Variants in KCNQ1OT1 observed in about 807,000 individuals in gnomAD.
KCNQ1OT1 encodes the protein KCNQ1 opposite strand/antisense transcript 1.
chr11:2,641,469 C>A, exon 1 of KCNQ1OT1: 1 of 398,132 alleles, frequency 2.5e-6, no homozygotes, highest in Non-Finnish European at 4.4e-6. Context: ...CTTTTGCTCA[C>A]TTTTTATTGG....
In KCNQ1OT1 at chr11:2,611,735, T is replaced by C; in HGVS notation, n.88260A>G. ...ATAATTATTGATATGGAAGGATTTA[T>C]ATCTACCATGTTGTTATTTATTTTC... On this transcript the variant is annotated non_coding_transcript_exon_variant, in exon 1 of 1. Coordinates refer to ENST00000597346, the Ensembl canonical transcript of KCNQ1OT1. This position sits in a 1 kb window ranked among gnomAD's most constrained non-coding sequence, Gnocchi z 5.3. The C allele has an allele frequency of 2.5e-6, 1 of 398,582 alleles. No homozygotes were observed. The highest frequency in any genetic ancestry group is 2.1e-5 in the African/African-American group (1 of 48,764). 24.7% of individuals were successfully genotyped at this position (398,582 alleles called of 1,614,324 possible).
Position 2,624,409 on chromosome 11 carries a change from T to G in KCNQ1OT1, n.75586A>C, listed in dbSNP as rs943841747. The G allele has an allele frequency of 5.0e-6, 2 of 398,482 alleles. No homozygotes were observed. Among genetic ancestry groups the G allele is most frequent in the Admixed American group, 8.8e-5 (2 of 22,734 alleles). 24.7% of individuals were successfully genotyped at this position (398,482 alleles called of 1,614,324 possible). On this transcript the variant is annotated non_coding_transcript_exon_variant, in exon 1 of 1. Transcript: ENST00000597346. The surrounding 1 kb of genome is among the most constrained non-coding windows in gnomAD (Gnocchi z 4.9). ...ACAGTATGTTTTACAGAGCAGAAAC[T>G]TTTATTTTTAACAAAGTCTAGCTTA... is the stretch of plus-strand genomic sequence containing the variant.
rs964138241 is a variant in KCNQ1OT1 at position 2,652,016 on chromosome 11, G to A, written n.47979C>T. The A allele has an allele frequency of 2.5e-6, 1 of 398,532 alleles. No individual in the cohort carries two copies. The highest frequency in any genetic ancestry group is 3.6e-5 in the East Asian group (1 of 28,086). The allele number at this position is 398,532 out of a possible 1,614,324, so 24.7% of individuals were successfully genotyped here. On this transcript the variant is annotated non_coding_transcript_exon_variant, in exon 1 of 1. Transcript: ENST00000597346. This position sits in a 1 kb window ranked among gnomAD's most constrained non-coding sequence, Gnocchi z 5.9. ...CAGTTGTTAACATAATTTTGATGTT[G>A]AGCCTCCCCCCAGTTCTGGGGTGGC...
Position 2,677,370 on chromosome 11 carries a change from T to C in KCNQ1OT1, n.22625A>G, listed in dbSNP as rs546539153. On this transcript the variant is annotated non_coding_transcript_exon_variant, in exon 1 of 1. Coordinates refer to ENST00000597346, the Ensembl canonical transcript of KCNQ1OT1. This position sits in a 1 kb window ranked among gnomAD's most constrained non-coding sequence, Gnocchi z 4.5. ...TGGGCAGAGTAGACCAGTTAGTTAA[T>C]CAGTTGAAGAGGAAACCAAGATCGA... 5 of 398,618 alleles carry C rather than the reference T, an allele frequency of 1.3e-5. No homozygotes were observed. Among genetic ancestry groups the C allele is most frequent in the African/African-American group, 1.0e-4 (5 of 48,762 alleles). 24.7% of individuals were successfully genotyped at this position (398,618 alleles called of 1,614,324 possible). A position where few individuals can be genotyped will look rare whatever the true frequency, so the allele number is the denominator to read the frequency against.
chr11:2,652,614 G>C lies in KCNQ1OT1; in HGVS notation n.47381C>G, dbSNP rs1057317249. On this transcript the variant is annotated non_coding_transcript_exon_variant, in exon 1 of 1. Coordinates refer to ENST00000597346, the Ensembl canonical transcript of KCNQ1OT1. The surrounding 1 kb of genome is among the most constrained non-coding windows in gnomAD (Gnocchi z 5.9). ...CTGCCTGGAACCTTCCCCTGAAAAT[G>C]TGTCTTGGGAGACCTAGACAGTGAC... The C allele has an allele frequency of 5.0e-6, 2 of 398,576 alleles. No homozygotes were observed. Among genetic ancestry groups the C allele is most frequent in the Non-Finnish European group, 8.8e-6 (2 of 226,084 alleles). 24.7% of individuals were successfully genotyped at this position (398,576 alleles called of 1,614,324 possible). A position where few individuals can be genotyped will look rare whatever the true frequency, so the allele number is the denominator to read the frequency against.
At chr11:2,630,481 T>C in exon 1 of KCNQ1OT1, 3 of 398,408 alleles carry the variant, frequency 7.5e-6, no homozygotes, top group Non-Finnish European at 1.3e-5. Context: ...GATCTTATAC[T>C]TCCCCCGCTA....
rs1849218618 is a variant in KCNQ1OT1, at chr11:2,623,938, A to G, written n.76057T>C. 1 of 398,500 alleles carries G rather than the reference A, an allele frequency of 2.5e-6. No individual in the cohort carries two copies. Among genetic ancestry groups the G allele is most frequent in the African/African-American group, 2.1e-5 (1 of 48,638 alleles). 24.7% of individuals were successfully genotyped at this position (398,500 alleles called of 1,614,324 possible). A position where few individuals can be genotyped will look rare whatever the true frequency, so the allele number is the denominator to read the frequency against. ...TGATAATTCCATTTTTAATTCTTTG[A>G]AGAACCACCAAACTCTTCTCCACCA... On this transcript the variant is annotated non_coding_transcript_exon_variant, in exon 1 of 1. Transcript: ENST00000597346. This position sits in a 1 kb window ranked among gnomAD's most constrained non-coding sequence, Gnocchi z 5.2.
exon 1 of KCNQ1OT1, chr11:2,643,776 G>A (rs1222783994): frequency 7.5e-6 from 3 of 398,462 alleles, no homozygotes; most frequent in African/African-American, 2.1e-5. Flanking sequence ...TGTAGTGCCA[G>A]TGTAGTGGCA....
At chr11:2,610,933 T>C in exon 1 of KCNQ1OT1, 1 of 398,430 alleles carries the variant, frequency 2.5e-6, no homozygotes, top group Non-Finnish European at 4.4e-6. Context: ...TAACTCACTC[T>C]GAATAATTGA....
rs1849263849 is a variant in KCNQ1OT1, at chr11:2,626,460, A to G, written n.73535T>C. On this transcript the variant is annotated non_coding_transcript_exon_variant, in exon 1 of 1. Transcript: ENST00000597346. This position sits in a 1 kb window ranked among gnomAD's most constrained non-coding sequence, Gnocchi z 4.0. ...GGGTTTATTTTTGGGCTCTCTATTC[A>G]ATTCCATTGGTCTCTACATCTTTAT... The G allele has an allele frequency of 5.0e-6, 2 of 398,474 alleles. No homozygotes were observed. Among genetic ancestry groups the G allele is most frequent in the Non-Finnish European group, 8.8e-6 (2 of 226,078 alleles). The allele number at this position is 398,474 out of a possible 1,614,324, so 24.7% of individuals were successfully genotyped here.
At position 2,676,074 on chromosome 11, in the gene KCNQ1OT1, C is replaced by T. The variant is rs1850288266; in HGVS notation, n.23921G>A. On this transcript the variant is annotated non_coding_transcript_exon_variant, in exon 1 of 1. Coordinates refer to ENST00000597346, the Ensembl canonical transcript of KCNQ1OT1. The surrounding 1 kb of genome is among the most constrained non-coding windows in gnomAD (Gnocchi z 4.2). ...TCTTTCCAGACGTATTTTATATAAA[C>T]AAATATACGTGTGTCTGTGTGTGCA... 1 of 398,476 alleles carries T rather than the reference C, an allele frequency of 2.5e-6. No homozygotes were observed. 24.7% of individuals were successfully genotyped at this position (398,476 alleles called of 1,614,324 possible).
chr11:2,692,289 T>C (rs1850601162), exon 1 of KCNQ1OT1: 1 of 398,882 alleles, frequency 2.5e-6, no homozygotes, highest in Non-Finnish European at 4.4e-6. Context: ...TTCTAGAGGT[T>C]CCCTGCTTCC....
chr11:2,684,175 G>A (rs569704640), exon 1 of KCNQ1OT1: 18 of 398,620 alleles, frequency 4.5e-5, no homozygotes, highest in Middle Eastern at 6.3e-4. Flanking sequence ...GAAGAGAAGC[G>A]CCCACTGGGG....
At position 2,645,474 on chromosome 11, in the gene KCNQ1OT1, C is replaced by T; in HGVS notation, n.54521G>A. On this transcript the variant is annotated non_coding_transcript_exon_variant, in exon 1 of 1. Transcript: ENST00000597346. The surrounding 1 kb of genome is among the most constrained non-coding windows in gnomAD (Gnocchi z 5.8). Reference sequence around the variant, plus strand: ...CAGGCACAGGAAGATCCCTGTATACCCTGCTGAATGCTCATGTTGGGGCAG... The same window carrying T: ...CAGGCACAGGAAGATCCCTGTATACTCTGCTGAATGCTCATGTTGGGGCAG... The T allele has an allele frequency of 2.5e-6, 1 of 398,648 alleles. No homozygotes were observed. The highest frequency in any genetic ancestry group is 4.4e-6 in the Non-Finnish European group (1 of 226,154). The allele number at this position is 398,648 out of a possible 1,614,324, so 24.7% of individuals were successfully genotyped here. A position where few individuals can be genotyped will look rare whatever the true frequency, so the allele number is the denominator to read the frequency against.
Position 2,611,374 on chromosome 11 carries a change from C to T in KCNQ1OT1, n.88621G>A. 1 of 397,350 alleles carries T rather than the reference C, an allele frequency of 2.5e-6. No individual in the cohort carries two copies. The highest frequency in any genetic ancestry group is 2.1e-5 in the African/African-American group (1 of 48,706). The allele number at this position is 397,350 out of a possible 1,614,324, so 24.6% of individuals were successfully genotyped here. A position where few individuals can be genotyped will look rare whatever the true frequency, so the allele number is the denominator to read the frequency against. ...AGCTGGGACTACAGGCATTTGCCACCATACCCAGCTAATTTTTAGTAGAGA... is the reference window on the plus strand; with the variant it reads ...AGCTGGGACTACAGGCATTTGCCACTATACCCAGCTAATTTTTAGTAGAGA... On this transcript the variant is annotated non_coding_transcript_exon_variant, in exon 1 of 1. Transcript: ENST00000597346. The surrounding 1 kb of genome is among the most constrained non-coding windows in gnomAD (Gnocchi z 5.3).
exon 1 of KCNQ1OT1, chr11:2,609,789 G>A (rs1287159825): frequency 5.0e-6 from 2 of 397,992 alleles, no homozygotes; most frequent in Non-Finnish European, 8.9e-6. Flanking sequence ...TTTAACTTCA[G>A]TAACATTCTT....
exon 1 of KCNQ1OT1, chr11:2,689,203 G>T (rs1014026408): frequency 2.5e-6 from 1 of 398,814 alleles, no homozygotes; most frequent in Non-Finnish European, 4.4e-6. Context: ...AGCTCAGCTT[G>T]CTGACTTTGA....
exon 1 of KCNQ1OT1, chr11:2,672,909 C>T (rs547776164): frequency 1.2e-4 from 49 of 398,776 alleles, no homozygotes; most frequent in African/African-American, 9.6e-4. Context: ...GCACTTGAGG[C>T]CTTGGGCTGG....
chr11:2,639,873 C>T (rs1260214871), exon 1 of KCNQ1OT1: 1 of 153,026 alleles, frequency 6.5e-6, no homozygotes, highest in Non-Finnish European at 1.5e-5. Flanking sequence ...GTTCGAGCTT[C>T]CTGGCCACTT....
Sources: gnomAD v4.1 joint callset for allele counts on GRCh38, gnomAD v4.1.1 for gene constraint, Gnocchi (gnomAD v3.1) non-coding constraint, MANE v1.5 for transcripts, NCBI Gene and HGNC (gene_info 2026-07-23, HGNC 2026-07-21) for gene names.